Variants in CRISP3 observed in about 807,000 individuals in gnomAD.
CRISP3 encodes cysteine rich secretory protein 3.
CRISP3 carries 33 observed loss-of-function variants against 36.1 expected under a neutral mutation model. The observed-to-expected ratio is 0.91, with a 90% confidence interval of 0.69 to 1.22. The LOEUF (loss-of-function observed/expected upper bound fraction) is 1.22, where lower values mean the gene tolerates loss of function less well. CRISP3 is among the 50% of genes most tolerant of loss of function. The pLI is 0.00. For missense variants in CRISP3, 330 were observed against 301.2 expected, an observed-to-expected ratio of 1.10 and a Z score of -0.71; for synonymous variants, 117 against 104.6, an observed-to-expected ratio of 1.12 and a Z score of -0.72.
At chr6:49,739,684 G>T (rs2127453160) in intron 1 of CRISP3, among the ~76,000 whole-genome samples, 1 of 152,168 alleles carries the variant, frequency 6.6e-6, no homozygotes, top group African/African-American at 2.4e-5. Context: ...AGGGACTACT[G>T]TAAATAGCAG....
At chr6:49,732,732 G>A (rs958014236) in intron 6 of CRISP3, among the ~76,000 whole-genome samples, 1 of 152,148 alleles carries the variant, frequency 6.6e-6, no homozygotes, top group African/African-American at 2.4e-5. Flanking sequence ...TGTATAATGT[G>A]AAATTTTCTG....
chr6:49,729,178 T>C (rs1768852863), intron 7 of CRISP3, among the ~76,000 whole-genome samples: 2 of 152,230 alleles, frequency 1.3e-5, no homozygotes, highest in East Asian at 3.9e-4. Context: ...ATATTTGTCA[T>C]GCGGTTGTTT....
chr6:49,744,336 G>C lies in CRISP3; in HGVS notation c.32C>G (p.Thr11Ser), dbSNP rs767158903. MKQILHPALETTAMTLFPVLL... is the reference protein window; with the variant it reads MKQILHPALESTAMTLFPVLL... ...ATAAAGGAGTTATCACTTACCAGTG[G>C]TTTCCAGAGCAGGATGAAGTATTTG... Residue 11 changes from threonine to serine, a missense_variant, in exon 1 of 8, where the codon ACC (threonine) becomes AGC (serine). By Grantham distance (58) the Thr-to-Ser change is moderately conservative (BLOSUM62 1). Coordinates refer to ENST00000263045, the MANE Select transcript of CRISP3 (RefSeq NM_006061.4). 43 of 1,531,612 alleles carry C rather than the reference G, an allele frequency of 2.8e-5. No homozygotes were observed. The highest frequency in any genetic ancestry group is 3.8e-5 in the Non-Finnish European group (43 of 1,143,682). 94.9% of individuals were successfully genotyped at this position (1,531,612 alleles called of 1,614,324 possible). A position where few individuals can be genotyped will look rare whatever the true frequency, so the allele number is the denominator to read the frequency against.
Position 49,728,739 on chromosome 6 carries a change from G to C in CRISP3, c.768C>G (p.Ser256Arg), listed in dbSNP as rs891301002. The change falls in exon 8 of 8, where the codon AGC (serine) becomes AGG (arginine). Residue 256 changes from serine (S) to arginine (R), a missense_variant. Physicochemically the swap from Ser to Arg is moderately radical, Grantham distance 110. Transcript: ENST00000263045. ...GGTGTGTAATGCGTATTTAATAAAT[G>C]CTGTTTGAACAATTGCAGGAGGCCT... Reference protein sequence around the residue: ...SCKASCNCSNSIY With the variant: ...SCKASCNCSNRIY 5.6e-6 allele frequency: 9 copies of C among 1,610,754 alleles called. No homozygotes were observed. The highest frequency in any genetic ancestry group is 7.6e-6 in the Non-Finnish European group (9 of 1,178,460).
chr6:49,732,317 C>T (rs1768933408), intron 6 of CRISP3, among the ~76,000 whole-genome samples: 1 of 152,116 alleles, frequency 6.6e-6, no homozygotes, highest in Non-Finnish European at 1.5e-5. Context: ...CCTTACAGGT[C>T]ATATTTCTCA....
At chr6:49,743,786 T>G (rs2127454436) in intron 1 of CRISP3, among the ~76,000 whole-genome samples, 1 of 152,284 alleles carries the variant, frequency 6.6e-6, no homozygotes, top group South Asian at 2.1e-4. Context: ...AAAGCCTTTT[T>G]TTTTTGTTTT....
rs1006605504 is a variant in CRISP3, at chr6:49,727,620, T to A, written c.*1110A>T. 6.6e-6 allele frequency: 1 copy of A among 152,150 alleles called. No homozygotes were observed. Among genetic ancestry groups the A allele is most frequent in the Non-Finnish European group, 1.5e-5 (1 of 68,000 alleles). 9.4% of individuals were successfully genotyped at this position (152,150 alleles called of 1,614,324 possible). On this transcript the variant is annotated 3_prime_UTR_variant, in exon 8 of 8. Transcript: ENST00000263045. ...GATCTTTTTCTGTTCCAGGATCTGA[T>A]CCAAGAAGCACATTGCATTTGGCTC...
chr6:49,733,629 T>C, intron 5 of CRISP3, 74 bp downstream of exon 5: 19 of 1,448,016 alleles, frequency 1.3e-5, no homozygotes, highest in Non-Finnish European at 1.8e-5. Flanking sequence ...CAACTTGGAA[T>C]CAGTCAAAAT....
rs774343413 is a variant in CRISP3 at position 49,733,176 on chromosome 6, C to G, written c.560+19G>C. On this transcript the variant is annotated intron_variant, in intron 6 of 7. Coordinates refer to ENST00000263045, the MANE Select transcript of CRISP3 (RefSeq NM_006061.4). ...TGTATTTAGCATTATTGACAATAAACGCTAAAATATATACTTACGCAGGAC... is the reference window on the plus strand; with the variant it reads ...TGTATTTAGCATTATTGACAATAAAGGCTAAAATATATACTTACGCAGGAC... 1 of 1,391,128 alleles carries G rather than the reference C, an allele frequency of 7.2e-7. No homozygotes were observed. The highest frequency in any genetic ancestry group is 1.3e-5 in the South Asian group (1 of 77,948). The allele number at this position is 1,391,128 out of a possible 1,614,324, so 86.2% of individuals were successfully genotyped here. A position where few individuals can be genotyped will look rare whatever the true frequency, so the allele number is the denominator to read the frequency against.
rs78843460 is a variant in CRISP3 at position 49,738,331 on chromosome 6, G to T, written c.38-933C>A. ...AGGGAGATATAATGTCTAAGTAAAT[G>T]AGAATACATCCTCTTATGGCAGTAT... is the stretch of plus-strand genomic sequence containing the variant. On this transcript the variant is annotated intron_variant, in intron 1 of 7. Coordinates refer to ENST00000263045, the MANE Select transcript of CRISP3 (RefSeq NM_006061.4). 1.1e-3 allele frequency among the ~76,000 whole-genome samples: 163 copies of T among 152,260 alleles called. 1 individual carries two copies. The highest frequency in any genetic ancestry group is 3.7e-3 in the African/African-American group (153 of 41,554).
intron 1 of CRISP3, among the ~76,000 whole-genome samples, chr6:49,741,472 T>A (rs1458243744): frequency 1.3e-5 from 2 of 152,084 alleles, no homozygotes; most frequent in African/African-American, 4.8e-5. Flanking sequence ...ATTAAAAATA[T>A]CATGACCAAG....
intron 1 of CRISP3, among the ~76,000 whole-genome samples, chr6:49,740,470 T>C (rs1403314177): frequency 6.6e-6 from 1 of 151,234 alleles, no homozygotes; most frequent in Non-Finnish European, 1.5e-5. Context: ...TCTGAAAAAA[T>C]TATAGAAGCA....
At chr6:49,743,076 T>C (rs941551485) in intron 1 of CRISP3, among the ~76,000 whole-genome samples, 2 of 152,230 alleles carry the variant, frequency 1.3e-5, no homozygotes, top group Non-Finnish European at 2.9e-5. Flanking sequence ...GAAAGCAGCC[T>C]ATGCCAATAT....
At position 49,744,328 on chromosome 6, in the gene CRISP3, T is replaced by C. The variant is rs1272979395; in HGVS notation, c.37+3A>G. ...ACCTTGAAATAAAGGAGTTATCACT[T>C]ACCAGTGGTTTCCAGAGCAGGATGA... On this transcript the variant is annotated splice_donor_region_variant and intron_variant, in intron 1 of 7. Transcript: ENST00000263045. The C allele has an allele frequency of 3.3e-6, 5 of 1,526,346 alleles. No individual in the cohort carries two copies. The highest frequency in any genetic ancestry group is 4.4e-6 in the Non-Finnish European group (5 of 1,138,960). The allele number at this position is 1,526,346 out of a possible 1,614,324, so 94.6% of individuals were successfully genotyped here. A position where few individuals can be genotyped will look rare whatever the true frequency, so the allele number is the denominator to read the frequency against.
chr6:49,733,803 G>T lies in CRISP3; in HGVS notation c.362C>A (p.Ser121Ter), dbSNP rs779258242. ...ENLYMSSASS[S>*]WSQAIQSWFD... ...CCAGCTTTGGATTGCTTGTGACCAT[G>T]AGCTGGAGGCACTTGACATGTAGAG... The change falls in exon 5 of 8, where the codon TCA (serine) becomes TAA (stop). Residue 121 changes from serine to a stop codon, truncating the protein, a stop_gained. Transcript: ENST00000263045. LOFTEE classifies it high-confidence loss of function. 1 of 1,613,872 alleles carries T rather than the reference G, an allele frequency of 6.2e-7. No homozygotes were observed.
chr6:49,728,699 T>G lies in CRISP3; in HGVS notation c.*31A>C, dbSNP rs375047362. 1.3e-6 allele frequency: 2 copies of G among 1,577,772 alleles called. No individual in the cohort carries two copies. The highest frequency in any genetic ancestry group is 2.4e-5 in the South Asian group (2 of 83,142). ...CTAAGTAGATAATCTGACTCCTCTC[T>G]ACATAGCCCTACTCGGTGTGTAATG... On this transcript the variant is annotated 3_prime_UTR_variant, in exon 8 of 8. Transcript: ENST00000263045.
chr6:49,741,138 A>C (rs1311403608), intron 1 of CRISP3, among the ~76,000 whole-genome samples: 62 of 71,620 alleles, frequency 8.7e-4, no homozygotes, highest in Admixed American at 1.6e-3. Context: ...AAAAACAAAC[A>C]AAAAAAAACC....
chr6:49,737,744 A>G (rs981684020), intron 1 of CRISP3, among the ~76,000 whole-genome samples: 4 of 152,204 alleles, frequency 2.6e-5, no homozygotes, highest in African/African-American at 9.6e-5. Context: ...TCACAATAAC[A>G]ATTCAGTAGC....
In CRISP3 at chr6:49,733,817, TG is replaced by T. The variant is rs1768976250; in HGVS notation, c.347del (p.Ser116Ter). 3 of 1,613,672 alleles carry T rather than the reference TG, an allele frequency of 1.9e-6. No homozygotes were observed. The Admixed American group carries it at 5.0e-5, about 27-fold the overall frequency. ...CTTGTGACCATGAGCTGGAGGCACT[TG>T]ACATGTAGAGATTCTCACCACATTT... ...SLKCGENLYM[S>X]SASSSWSQAI... On this transcript the variant is annotated frameshift_variant, in exon 5 of 8. Transcript: ENST00000263045. LOFTEE classifies it high-confidence loss of function.
Sources: allele counts gnomAD v4.1 joint callset (sites outside exome capture counted in the v4.1 genomes callset), GRCh38; gene constraint gnomAD v4.1.1; transcripts MANE v1.5; gene names NCBI Gene and HGNC (gene_info 2026-07-23, HGNC 2026-07-21).